COL9A1: variants seen among roughly 807,000 people sequenced by gnomAD.
COL9A1 encodes the protein collagen type IX alpha 1 chain.
Under a neutral mutation model 142.6 loss-of-function variants are expected in COL9A1, and 104 were observed. The observed-to-expected ratio is 0.73, with a 90% CI of 0.62 to 0.86. The LOEUF is 0.86. Among genes scored for constraint, COL9A1 ranks in the 40% least tolerant of loss-of-function variants. The pLI is 0.00. For missense variants in COL9A1, 1,210 were observed against 1,176.6 expected, an observed-to-expected ratio of 1.03 and a Z score of -0.42; for synonymous variants, 466 against 396.0, an observed-to-expected ratio of 1.18 and a Z score of -2.10.
Position 70,232,685 on chromosome 6 carries a change from G to A in COL9A1, c.2401C>T (p.Pro801Ser), listed in dbSNP as rs147095719. The A allele has an allele frequency of 4.3e-5, 69 of 1,613,944 alleles. No individual in the cohort carries two copies. Among genetic ancestry groups the A allele is most frequent in the African/African-American group, 1.2e-4 (9 of 74,932 alleles). Residue 801 changes from proline (P) to serine (S), a missense_variant, in exon 36 of 38, where the codon CCC (proline) becomes TCC (serine). By Grantham distance (74) the Pro-to-Ser change is moderately conservative. Transcript: ENST00000357250. ...AAACCATTCTCTCCAGGAGGGCCGG[G>A]GGGACCAGGAGGGCCAGGCCTTCCA... is the stretch of plus-strand genomic sequence containing the variant. ...LPGRPGPPGPPGPPGENGFPG... is the reference protein window; with the variant it reads ...LPGRPGPPGPSGPPGENGFPG...
chr6:70,297,416 T>G (rs1359866338), intron 4 of COL9A1, among the ~76,000 whole-genome samples: 1 of 152,100 alleles, frequency 6.6e-6, no homozygotes, highest in African/African-American at 2.4e-5. Flanking sequence ...TAGTAGTCAA[T>G]ATGGTAAGAA....
intron 4 of COL9A1, among the ~76,000 whole-genome samples, chr6:70,299,017 A>T (rs1382095229): frequency 6.6e-6 from 1 of 152,014 alleles, no homozygotes; most frequent in East Asian, 1.9e-4. Flanking sequence ...TGATTTAAGA[A>T]AAAAAAGGTT....
chr6:70,239,964 T>C (rs954013330), intron 32 of COL9A1, among the ~76,000 whole-genome samples: 1 of 152,218 alleles, frequency 6.6e-6, no homozygotes, highest in African/African-American at 2.4e-5. Context: ...TAGCTCTAAA[T>C]CCTGAAAATA....
chr6:70,265,047 T>A (rs763544818), intron 18 of COL9A1, among the ~76,000 whole-genome samples: 5 of 152,068 alleles, frequency 3.3e-5, no homozygotes, highest in Non-Finnish European at 5.9e-5. Flanking sequence ...CACTTACACT[T>A]TTAAGTGACA....
At chr6:70,298,060 G>A (rs772669669) in intron 4 of COL9A1, among the ~76,000 whole-genome samples, 5 of 152,210 alleles carry the variant, frequency 3.3e-5, no homozygotes, top group Middle Eastern at 6.8e-3. Context: ...TCTACACCTC[G>A]TATGGCCGAG....
At chr6:70,227,466 A>G (rs1438822524) in intron 36 of COL9A1, among the ~76,000 whole-genome samples, 11 of 149,364 alleles carry the variant, frequency 7.4e-5, no homozygotes, top group Non-Finnish European at 1.5e-5. Context: ...ATTTTAACCT[A>G]TAAGATCGGC....
chr6:70,246,510 T>G (rs1264221948), intron 28 of COL9A1, among the ~76,000 whole-genome samples: 1 of 152,178 alleles, frequency 6.6e-6, no homozygotes, highest in Non-Finnish European at 1.5e-5. Context: ...TTGCACTAGA[T>G]GTCCTCCCCC....
chr6:70,280,702 G>T, intron 10 of COL9A1, 110 bp downstream of exon 10: 2 of 1,409,624 alleles, frequency 1.4e-6, no homozygotes, highest in African/African-American at 1.4e-5. Flanking sequence ...GAGCCACAGC[G>T]CGTTCTCTCT....
intron 4 of COL9A1, among the ~76,000 whole-genome samples, chr6:70,296,609 G>C (rs1773858950): frequency 6.6e-6 from 1 of 152,014 alleles, no homozygotes; most frequent in Admixed American, 6.5e-5. Flanking sequence ...GAGAAGCTAA[G>C]ATTCACTATT....
rs1403476416 is a variant in COL9A1, at chr6:70,303,023, A to C, written c.-99T>G. The C allele has an allele frequency of 7.6e-7, 1 of 1,314,920 alleles. No homozygotes were observed. Among genetic ancestry groups the C allele is most frequent in the Non-Finnish European group, 1.1e-6 (1 of 907,994 alleles). The allele number at this position is 1,314,920 out of a possible 1,614,324, so 81.5% of individuals were successfully genotyped here. A position where few individuals can be genotyped will look rare whatever the true frequency, so the allele number is the denominator to read the frequency against. ...ACGACCCCTTCACTGTTACCCTAGG[A>C]CTATGTGTTCTGGGCCCAGCCTTGG... On this transcript the variant is annotated 5_prime_UTR_variant, in exon 1 of 38. Coordinates refer to ENST00000357250, the MANE Select transcript of COL9A1 (RefSeq NM_001851.6).
chr6:70,236,965 G>A (rs1252258354), intron 33 of COL9A1, among the ~76,000 whole-genome samples: 1 of 152,156 alleles, frequency 6.6e-6, no homozygotes, highest in Non-Finnish European at 1.5e-5. Flanking sequence ...AGGATTACAG[G>A]CGTGCGCCAT....
In COL9A1 at chr6:70,294,411, T is replaced by C. The variant is rs149389568; in HGVS notation, c.452A>G (p.Gln151Arg). The C allele has an allele frequency of 1.2e-6, 2 of 1,614,104 alleles. No individual in the cohort carries two copies. Among genetic ancestry groups the C allele is most frequent in the East Asian group, 4.5e-5 (2 of 44,872 alleles). ...QVGIKINGQTQSVVFSYKGLD... is the reference protein window; with the variant it reads ...QVGIKINGQTRSVVFSYKGLD... Reference sequence around the variant, plus strand: ...TCCCTTGTATGAAAATACAACAGATTGTGTTTGGCCATTAATCTTTATGCC... The same window carrying C: ...TCCCTTGTATGAAAATACAACAGATCGTGTTTGGCCATTAATCTTTATGCC... Residue 151 changes from glutamine to arginine, a missense_variant, in exon 5 of 38, where the codon CAA becomes CGA. Physicochemically the swap from Gln to Arg is conservative, Grantham distance 43. Transcript: ENST00000357250.
intron 12 of COL9A1, among the ~76,000 whole-genome samples, chr6:70,272,448 A>G (rs12529859): frequency 0.38 from 57,144 of 151,904 alleles, 11,039 homozygotes; most frequent in African/African-American, 0.43. Flanking sequence ...CATTTGTAGC[A>G]TTTTATAGGA....
intron 21 of COL9A1, among the ~76,000 whole-genome samples, chr6:70,255,807 G>T (rs900206555): frequency 4.9e-5 from 7 of 141,840 alleles, no homozygotes; most frequent in Non-Finnish European, 9.4e-5. Flanking sequence ...AATTTCTGTC[G>T]AAGTGATCTA....
chr6:70,240,118 G>A (rs1342174386), intron 32 of COL9A1, among the ~76,000 whole-genome samples: 6 of 152,120 alleles, frequency 3.9e-5, no homozygotes, highest in Non-Finnish European at 8.8e-5. Context: ...CCATAATGAT[G>A]AGCCTGCAAA....
In COL9A1 at chr6:70,280,803, C is replaced by G; in HGVS notation, c.975+9G>C. The G allele has an allele frequency of 1.2e-6, 2 of 1,611,596 alleles. No individual in the cohort carries two copies. The highest frequency in any genetic ancestry group is 1.7e-6 in the Non-Finnish European group (2 of 1,179,142). On this transcript the variant is annotated intron_variant, in intron 10 of 37. Transcript: ENST00000357250. ...AGGCTGGGCGCCCTCCCAGCACTCG[C>G]CTACTCACATCAGCGCCAGGTGTGC...
Position 70,234,609 on chromosome 6 carries a change from A to G in COL9A1, c.2260-16T>C. On this transcript the variant is annotated splice_polypyrimidine_tract_variant and intron_variant, in intron 34 of 37. Transcript: ENST00000357250. Reference sequence around the variant, plus strand: ...GTGCTCTACCCTGGGACAGAAAAGAAAAAAAGGCAGTTTATGCATGAAACC... The same window carrying G: ...GTGCTCTACCCTGGGACAGAAAAGAGAAAAAGGCAGTTTATGCATGAAACC... 6.2e-7 allele frequency: 1 copy of G among 1,614,240 alleles called. No individual in the cohort carries two copies. Among genetic ancestry groups the G allele is most frequent in the Non-Finnish European group, 8.5e-7 (1 of 1,180,036 alleles).
chr6:70,298,760 T>C (rs541788231), intron 4 of COL9A1, among the ~76,000 whole-genome samples: 5 of 152,178 alleles, frequency 3.3e-5, no homozygotes, highest in Non-Finnish European at 7.3e-5. Flanking sequence ...AAGAAAAAAC[T>C]GAATTTTTAA....
At position 70,260,680 on chromosome 6, in the gene COL9A1, T is replaced by C. The variant is rs1135054; in HGVS notation, c.1426A>G (p.Ile476Val). 42 of 1,614,022 alleles carry C rather than the reference T, an allele frequency of 2.6e-5. No homozygotes were observed. In the African/African-American group the frequency reaches 5.3e-4, roughly 20 times the overall value. Residue 476 changes from isoleucine to valine, a missense_variant, in exon 20 of 38, where the codon ATA becomes GTA. Ile to Val is a conservative substitution (Grantham distance 29, BLOSUM62 3). Transcript: ENST00000357250. The stretch of plus-strand genomic sequence containing the variant: ...ACTTTTTCCCCTTTGTCCCCAACTA[T>C]GCCGGTGATGCCTCGCAAACCCTGG... Reference protein sequence around the residue: ...GAQGLRGITGIVGDKGEKGAR... With the variant: ...GAQGLRGITGVVGDKGEKGAR...
Sources: gnomAD v4.1 joint callset for allele counts (sites outside exome capture counted in the v4.1 genomes callset) on GRCh38, gnomAD v4.1.1 for gene constraint, MANE v1.5 for transcripts, NCBI Gene and HGNC (gene_info 2026-07-23, HGNC 2026-07-21) for gene names.